The following GDPD5 variants were observed in gnomAD, a reference collection of about 807,000 sequenced individuals.
The protein encoded by GDPD5 is glycerophosphodiester phosphodiesterase 2.
Under a neutral mutation model 75.1 loss-of-function variants are expected in GDPD5, and 48 were observed. The ratio of observed to expected loss-of-function variants is 0.64; its 90% CI spans 0.51 to 0.81. The LOEUF is 0.81. Ranked by LOEUF, GDPD5 falls within the 40% of genes least tolerant of loss-of-function variation. The pLI is 0.00. For synonymous variants in GDPD5, 336 were observed against 339.0 expected (o/e 0.99, Z 0.10); for missense variants, 706 against 822.6 (o/e 0.86, Z 1.73).
At chr11:75,455,120 G>A (rs56207324) in intron 6 of GDPD5, 21,067 of 336,482 alleles carry the variant, frequency 0.063, 884 homozygotes, top group East Asian at 0.13. Context: ...AATGGGATCT[G>A]CTTCCTTGCA....
intron 6 of GDPD5, among the ~76,000 whole-genome samples, chr11:75,453,207 C>T (rs1949208966): frequency 6.6e-6 from 1 of 152,078 alleles, no homozygotes; most frequent in African/African-American, 2.4e-5. Flanking sequence ...CACATAAGCA[C>T]CAGATCTACT....
intron 3 of GDPD5, among the ~76,000 whole-genome samples, chr11:75,475,707 C>A (rs1358847564): frequency 2.0e-5 from 3 of 152,186 alleles, no homozygotes; most frequent in Non-Finnish European, 4.4e-5. Flanking sequence ...TTTGGGGTCA[C>A]CTGAGGTGAG....
intron 6 of GDPD5, chr11:75,450,988 C>CT (rs1949132099): frequency 6.6e-6 from 1 of 152,512 alleles, no homozygotes; most frequent in Non-Finnish European, 1.5e-5. Flanking sequence ...CCCTGCCTCC[C>CT]TGGAGCCGTT....
chr11:75,456,795 C>CA lies in GDPD5; in HGVS notation c.336dup (p.Ala113CysfsTer150). ...TGCAGGTTCATCTGCTGCCCCACGGCAATGTGACATAGTGCCAGGACCTGA... is the reference window on the plus strand; with the variant it reads ...TGCAGGTTCATCTGCTGCCCCACGGCAAATGTGACATAGTGCCAGGACCTGA... On this transcript the variant is annotated frameshift_variant, in exon 6 of 17. Coordinates refer to ENST00000336898, the MANE Select transcript of GDPD5 (RefSeq NM_030792.8). LOFTEE classifies it high-confidence loss of function. 7 of 1,614,272 alleles carry CA rather than the reference C, an allele frequency of 4.3e-6. No individual in the cohort carries two copies. Among genetic ancestry groups the CA allele is most frequent in the African/African-American group, 1.3e-5 (1 of 75,084 alleles).
chr11:75,512,390 G>A (rs552215871), intron 1 of GDPD5, among the ~76,000 whole-genome samples: 12 of 151,412 alleles, frequency 7.9e-5, no homozygotes, highest in East Asian at 1.9e-4. Flanking sequence ...TAAAGGAACC[G>A]ACAGGGTGGG....
intron 1 of GDPD5, among the ~76,000 whole-genome samples, chr11:75,499,078 A>G (rs1321081456): frequency 6.6e-6 from 1 of 151,630 alleles, no homozygotes; most frequent in Non-Finnish European, 1.5e-5. Context: ...TCACTGTCAC[A>G]CGAATCCTTG....
intron 2 of GDPD5, among the ~76,000 whole-genome samples, chr11:75,480,539 G>C (rs1345041701): frequency 1.3e-5 from 2 of 152,088 alleles, no homozygotes; most frequent in Non-Finnish European, 2.9e-5. Context: ...TTAACCTTTT[G>C]AGGAACTGCC....
chr11:75,523,725 G>C (rs892469805), intron 1 of GDPD5, among the ~76,000 whole-genome samples: 1 of 152,240 alleles, frequency 6.6e-6, no homozygotes, highest in African/African-American at 2.4e-5. Context: ...TTTAGACATA[G>C]AGATTATTGC....
intron 3 of GDPD5, among the ~76,000 whole-genome samples, chr11:75,471,642 T>C (rs1793414): frequency 0.65 from 98,860 of 151,902 alleles, 33,298 homozygotes; most frequent in East Asian, 0.92. Flanking sequence ...GGGTGGGTGG[T>C]GATAGTCCCC....
intron 2 of GDPD5, among the ~76,000 whole-genome samples, chr11:75,481,573 T>C (rs557309805): frequency 6.6e-6 from 1 of 151,840 alleles, no homozygotes; most frequent in Non-Finnish European, 1.5e-5. Context: ...AGAGAGACCA[T>C]GGGTGGGGGT....
At chr11:75,448,016 A>G (rs1190166910) in intron 9 of GDPD5, among the ~76,000 whole-genome samples, 2 of 152,168 alleles carry the variant, frequency 1.3e-5, no homozygotes, top group African/African-American at 4.8e-5. Context: ...GCAGGGGGCC[A>G]GACTTCCAGA....
chr11:75,447,569 ATG>A (rs1392165994), intron 9 of GDPD5, among the ~76,000 whole-genome samples: 3 of 152,198 alleles, frequency 2.0e-5, no homozygotes, highest in Non-Finnish European at 4.4e-5. Flanking sequence ...CTTCTTCATT[ATG>A]TGAGTCATTA....
At chr11:75,488,789 C>T (rs1302782823) in intron 2 of GDPD5, among the ~76,000 whole-genome samples, 1 of 152,236 alleles carries the variant, frequency 6.6e-6, no homozygotes, top group Non-Finnish European at 1.5e-5. Flanking sequence ...TCACAGGCCT[C>T]AGTGCGCTGT....
chr11:75,442,654 C>G, intron 11 of GDPD5, 73 bp from the exon 12 acceptor site: 1 of 1,381,102 alleles, frequency 7.2e-7, no homozygotes, highest in Non-Finnish European at 1.0e-6. Flanking sequence ...CTTCTGGCAA[C>G]CAAGCGTGGA....
At chr11:75,465,580 G>A (rs1290353942) in intron 3 of GDPD5, among the ~76,000 whole-genome samples, 1 of 152,180 alleles carries the variant, frequency 6.6e-6, no homozygotes, top group Non-Finnish European at 1.5e-5. Context: ...AATGATAGGT[G>A]AGGAAACACC....
intron 14 of GDPD5, 43 bp from the exon 15 acceptor site, chr11:75,440,004 T>A: frequency 6.8e-7 from 1 of 1,476,634 alleles, no homozygotes. Context: ...TCATGGCCAG[T>A]CCAGACTGAG....
chr11:75,464,551 G>A (rs887280543), intron 3 of GDPD5, among the ~76,000 whole-genome samples: 2 of 152,154 alleles, frequency 1.3e-5, no homozygotes, highest in African/African-American at 4.8e-5. Context: ...TCAGTTGGGC[G>A]ACTCATGTTT....
At chr11:75,465,291 C>T (rs1949492814) in intron 3 of GDPD5, among the ~76,000 whole-genome samples, 1 of 152,228 alleles carries the variant, frequency 6.6e-6, no homozygotes, top group South Asian at 2.1e-4. Flanking sequence ...AGCCTTCACA[C>T]AGCTGGAGCC....
In GDPD5 at chr11:75,441,292, G is replaced by T; in HGVS notation, c.1344C>A (p.Asn448Lys). 1 of 1,614,160 alleles carries T rather than the reference G, an allele frequency of 6.2e-7. No homozygotes were observed. Residue 448 changes from asparagine to lysine, a missense_variant, in exon 14 of 17, where the codon AAC becomes AAA. Physicochemically the swap from Asn to Lys is moderately conservative, Grantham distance 94. Coordinates refer to ENST00000336898, the MANE Select transcript of GDPD5 (RefSeq NM_030792.8). ...RQELRDYASW[N>K]LSVNLYTVNA... is the part of the protein sequence containing the mutation. ...TGACTGTGTAGAGGTTCACACTCAG[G>T]TTCCAGGACGCGTAGTCCCTGTGGG...
Sources: allele counts gnomAD v4.1 joint callset (sites outside exome capture counted in the v4.1 genomes callset), GRCh38; gene constraint gnomAD v4.1.1; transcripts MANE v1.5; gene names NCBI Gene and HGNC (gene_info 2026-07-23, HGNC 2026-07-21).